The following SLC6A9 variants were observed in gnomAD, a reference collection of about 807,000 sequenced individuals.
SLC6A9 encodes sodium- and chloride-dependent glycine transporter 1.
In SLC6A9, 31 loss-of-function variants were observed where a neutral mutation model predicts 70.9. The ratio of observed to expected loss-of-function variants is 0.44; its 90% CI spans 0.33 to 0.59. SLC6A9 has a LOEUF of 0.59. Among genes scored for constraint, SLC6A9 ranks in the 20% least tolerant of loss-of-function variants. The pLI, the probability that SLC6A9 is intolerant of heterozygous loss-of-function variation, is 0.04. For synonymous variants in SLC6A9, 310 were observed against 341.3 expected, an observed-to-expected ratio of 0.91 and a Z score of 1.01; for missense variants, 631 against 845.2, an observed-to-expected ratio of 0.75 and a Z score of 3.14.
rs547544768 is a variant in SLC6A9, at chr1:44,013,629, C to T, written c.31-2747G>A. Among the ~76,000 whole-genome samples the T allele has an allele frequency of 2.0e-5, 3 of 152,202 alleles. No homozygotes were observed. Among genetic ancestry groups the T allele is most frequent in the Admixed American group, 2.0e-4 (3 of 15,282 alleles). ...GTCCCAGCACTGTGGCGCTCGACCA[C>T]GGGAATCTGGCCCAGGCTTGGCCTC... On this transcript the variant is annotated intron_variant, in intron 2 of 13. Coordinates refer to ENST00000372310, the MANE Select transcript of SLC6A9 (RefSeq NM_001024845.3). This position sits in a 1 kb window ranked among gnomAD's most constrained non-coding sequence, Gnocchi z 5.3.
intron 12 of SLC6A9, among the ~76,000 whole-genome samples, chr1:43,998,318 G>A (rs991549583): frequency 6.6e-6 from 1 of 152,180 alleles, no homozygotes; most frequent in Admixed American, 6.5e-5. Context: ...AGTTCTGCTC[G>A]CTATGGCTCC....
chr1:44,013,472 G>C lies in SLC6A9; in HGVS notation c.31-2590C>G, dbSNP rs1174601852. Among the ~76,000 whole-genome samples the C allele has an allele frequency of 6.6e-6, 1 of 152,222 alleles. No individual in the cohort carries two copies. Among genetic ancestry groups the C allele is most frequent in the African/African-American group, 2.4e-5 (1 of 41,452 alleles). On this transcript the variant is annotated intron_variant, in intron 2 of 13. Coordinates refer to ENST00000372310, the MANE Select transcript of SLC6A9 (RefSeq NM_001024845.3). The surrounding 1 kb of genome is among the most constrained non-coding windows in gnomAD (Gnocchi z 5.3). ...GCCGTGCGGGCTGTAACCCAGGGAG[G>C]CCACAGCCCCCGCGACAGGGCTGAA...
At chr1:44,003,407 T>A (rs754038651) in intron 5 of SLC6A9, among the ~76,000 whole-genome samples, 1 of 152,234 alleles carries the variant, frequency 6.6e-6, no homozygotes, top group Non-Finnish European at 1.5e-5. Context: ...GCATTTCACG[T>A]GCACCAATTA....
rs1317086384 is a variant in SLC6A9, at chr1:44,018,626, A to ATAATAG, written c.30+5621_30+5622insCTATTA. On this transcript the variant is annotated intron_variant, in intron 2 of 13. Coordinates refer to ENST00000372310, the MANE Select transcript of SLC6A9 (RefSeq NM_001024845.3). The surrounding 1 kb of genome is among the most constrained non-coding windows in gnomAD (Gnocchi z 4.2). ...AATAATAATAATAATAATAATAATA[A>ATAATAG]TAATAATAATAAATAAAAATAAAAA... Among the ~76,000 whole-genome samples, 53 of 148,626 alleles carry ATAATAG rather than the reference A, an allele frequency of 3.6e-4. No individual in the cohort carries two copies. Among genetic ancestry groups the ATAATAG allele is most frequent in the African/African-American group, 1.1e-3 (46 of 40,822 alleles).
chr1:44,000,930 GGGAGGCCGGAGGCTCGA>G lies in SLC6A9; in HGVS notation c.1435+9_1435+25del. Reference sequence around the variant, plus strand: ...GTGGGCGGGCCAAGGGCCGGGTCGCGGGAGGCCGGAGGCTCGAGTGCTCACCGTAGATGTACATGATG... The same window carrying G: ...GTGGGCGGGCCAAGGGCCGGGTCGCGGTGCTCACCGTAGATGTACATGATG... On this transcript the variant is annotated intron_variant, in intron 11 of 13. Coordinates refer to ENST00000372310, the MANE Select transcript of SLC6A9 (RefSeq NM_001024845.3). 6.2e-7 allele frequency: 1 copy of G among 1,601,636 alleles called. No individual in the cohort carries two copies. The highest frequency in any genetic ancestry group is 8.5e-7 in the Non-Finnish European group (1 of 1,172,056).
In SLC6A9 at chr1:44,008,705, C is replaced by T. The variant is rs537377361; in HGVS notation, c.320-82G>A. Reference sequence around the variant, plus strand: ...GTTAATAATTTCTTTTTTTTCTTTTCTTTTCTTTTTTTTTTTTTGAGATGG... The same window carrying T: ...GTTAATAATTTCTTTTTTTTCTTTTTTTTTCTTTTTTTTTTTTTGAGATGG... On this transcript the variant is annotated intron_variant, in intron 4 of 13. Coordinates refer to ENST00000372310, the MANE Select transcript of SLC6A9 (RefSeq NM_001024845.3). 84 of 1,131,572 alleles carry T rather than the reference C, an allele frequency of 7.4e-5. 1 individual carries two copies. The South Asian group carries it at 1.1e-3, about 15-fold the overall frequency. The allele number at this position is 1,131,572 out of a possible 1,614,324, so 70.1% of individuals were successfully genotyped here. A position where few individuals can be genotyped will look rare whatever the true frequency, so the allele number is the denominator to read the frequency against.
In SLC6A9 at chr1:44,022,807, G is replaced by C. The variant is rs538826318; in HGVS notation, c.30+1441C>G. Reference sequence around the variant, plus strand: ...TTGCCTCACTGCAACCCGGGTTCAAGTGATTTTCGTGCCACAGCCTCCCAA... The same window carrying C: ...TTGCCTCACTGCAACCCGGGTTCAACTGATTTTCGTGCCACAGCCTCCCAA... On this transcript the variant is annotated intron_variant, in intron 2 of 13. Coordinates refer to ENST00000372310, the MANE Select transcript of SLC6A9 (RefSeq NM_001024845.3). 1.9e-3 allele frequency among the ~76,000 whole-genome samples: 276 copies of C among 148,442 alleles called. 3 individuals carry two copies. The highest frequency in any genetic ancestry group is 1.1e-3 in the Non-Finnish European group (75 of 67,566).
At chr1:44,011,164 T>C (rs1346328972) in intron 2 of SLC6A9, among the ~76,000 whole-genome samples, 4 of 152,126 alleles carry the variant, frequency 2.6e-5, no homozygotes, top group Non-Finnish European at 4.4e-5. Context: ...GGCGGGACAC[T>C]GAAGAGGGAG....
Position 44,024,362 on chromosome 1 carries a change from G to T in SLC6A9, c.-85C>A. 6.6e-7 allele frequency: 1 copy of T among 1,506,276 alleles called. No individual in the cohort carries two copies. Among genetic ancestry groups the T allele is most frequent in the Non-Finnish European group, 9.2e-7 (1 of 1,081,932 alleles). The allele number at this position is 1,506,276 out of a possible 1,614,324, so 93.3% of individuals were successfully genotyped here. ...GCCTTTCAGGCCACAGATCTCAAGAGCTGTGGAGAGAGCAGAGGGTGAGGT... is the reference window on the plus strand; with the variant it reads ...GCCTTTCAGGCCACAGATCTCAAGATCTGTGGAGAGAGCAGAGGGTGAGGT... On this transcript the variant is annotated splice_region_variant and 5_prime_UTR_variant, in exon 2 of 14. Coordinates refer to ENST00000372310, the MANE Select transcript of SLC6A9 (RefSeq NM_001024845.3).
At chr1:44,023,365 G>A (rs756783389) in intron 2 of SLC6A9, among the ~76,000 whole-genome samples, 1 of 152,150 alleles carries the variant, frequency 6.6e-6, no homozygotes, top group African/African-American at 2.4e-5. Context: ...CACCCAGGCC[G>A]GGTGCGGTGG....
intron 2 of SLC6A9, among the ~76,000 whole-genome samples, chr1:44,012,505 C>T (rs778783136): frequency 3.3e-5 from 5 of 152,248 alleles, no homozygotes; most frequent in African/African-American, 4.8e-5. Flanking sequence ...AGTGGCTGAA[C>T]AAGCCTTCTT....
chr1:43,999,894 C>A (rs1307878135), intron 12 of SLC6A9, among the ~76,000 whole-genome samples: 1 of 152,190 alleles, frequency 6.6e-6, no homozygotes, highest in Non-Finnish European at 1.5e-5. Flanking sequence ...ACTGTCAATA[C>A]CTGCCTTCCC....
intron 2 of SLC6A9, among the ~76,000 whole-genome samples, chr1:44,016,843 A>G (rs2086762022): frequency 6.7e-6 from 1 of 148,714 alleles, no homozygotes. Context: ...CCTCCCCCTC[A>G]CCCCCACCAC....
Position 44,022,971 on chromosome 1 carries a change from G to T in SLC6A9, c.30+1277C>A, listed in dbSNP as rs191323882. On this transcript the variant is annotated intron_variant, in intron 2 of 13. Transcript: ENST00000372310. ...TCTGCCCTCCTCAGCCTCCCAAAGT[G>T]CTGGGATTACAGGCGTGAGCCACCC... Among the ~76,000 whole-genome samples, 5 of 152,236 alleles carry T rather than the reference G, an allele frequency of 3.3e-5. No individual in the cohort carries two copies. The East Asian group carries it at 9.7e-4, about 29-fold the overall frequency.
rs201049898 is a variant in SLC6A9, at chr1:43,996,559, C to T, written c.*986G>A. On this transcript the variant is annotated 3_prime_UTR_variant, in exon 14 of 14. Coordinates refer to ENST00000372310, the MANE Select transcript of SLC6A9 (RefSeq NM_001024845.3). ...GTGGTGCACAATGGGCAGGGATGGGCGGCGCACCGTTATTGCTACAGAGGA... is the reference window on the plus strand; with the variant it reads ...GTGGTGCACAATGGGCAGGGATGGGTGGCGCACCGTTATTGCTACAGAGGA... 35 of 195,086 alleles carry T rather than the reference C, an allele frequency of 1.8e-4. No homozygotes were observed. Among genetic ancestry groups the T allele is most frequent in the Admixed American group, 3.9e-4 (7 of 17,814 alleles). 12.1% of individuals were successfully genotyped at this position (195,086 alleles called of 1,614,324 possible). A position where few individuals can be genotyped will look rare whatever the true frequency, so the allele number is the denominator to read the frequency against.
At chr1:44,006,586 C>CAAAAAAAAAA (rs34759206) in intron 5 of SLC6A9, among the ~76,000 whole-genome samples, 1 of 67,610 alleles carries the variant, frequency 1.5e-5, no homozygotes, top group Non-Finnish European at 2.5e-5. Context: ...GATTCTGTCT[C>CAAAAAAAAAA]AAAAAAAAAA....
intron 5 of SLC6A9, among the ~76,000 whole-genome samples, chr1:44,005,583 C>T (rs1338915455): frequency 6.6e-6 from 1 of 152,198 alleles, no homozygotes; most frequent in African/African-American, 2.4e-5. Flanking sequence ...ACCTAATTCA[C>T]CCCGGCACAC....
Position 44,002,759 on chromosome 1 carries a change from C to T in SLC6A9, c.723+94G>A, listed in dbSNP as rs2086166835. 6.3e-7 allele frequency: 1 copy of T among 1,594,508 alleles called. No homozygotes were observed. The highest frequency in any genetic ancestry group is 1.1e-5 in the South Asian group (1 of 90,082). ...TGGTCCCTCTCCGGCTCCGGAGTCC[C>T]TTCAGCATCCCCTCCCTGCAATACA... On this transcript the variant is annotated intron_variant, in intron 6 of 13. Coordinates refer to ENST00000372310, the MANE Select transcript of SLC6A9 (RefSeq NM_001024845.3). The surrounding 1 kb of genome is among the most constrained non-coding windows in gnomAD (Gnocchi z 5.5).
chr1:44,021,433 A>G (rs2086882276), intron 2 of SLC6A9, among the ~76,000 whole-genome samples: 1 of 152,162 alleles, frequency 6.6e-6, no homozygotes, highest in Non-Finnish European at 1.5e-5. Flanking sequence ...CTTGTTACCC[A>G]TGGGGCACTG....
Sources: allele counts gnomAD v4.1 joint callset (sites outside exome capture counted in the v4.1 genomes callset), GRCh38; gene constraint gnomAD v4.1.1; non-coding constraint Gnocchi (gnomAD v3.1); transcripts MANE v1.5; gene names NCBI Gene and HGNC (gene_info 2026-07-23, HGNC 2026-07-21).